Variants in NEB observed in about 807,000 individuals in gnomAD.
NEB encodes the protein nebulin.
In NEB, 512 loss-of-function variants were observed where a neutral mutation model predicts 952.2. That is an observed-to-expected ratio of 0.54 (90% CI 0.50 to 0.58). The LOEUF is 0.58. Among genes scored for constraint, NEB ranks in the 20% least tolerant of loss-of-function variants. NEB has a pLI of 0.00. For synonymous variants in NEB, 2,900 were observed against 3,149.8 expected, an observed-to-expected ratio of 0.92 and a Z score of 2.66; for missense variants, 8,428 against 9,231.1, an observed-to-expected ratio of 0.91 and a Z score of 3.56.
Position 151,518,976 on chromosome 2 carries a change from G to GT in NEB, c.22683dup (p.Leu7562ThrfsTer12). On this transcript the variant is annotated frameshift_variant, in exon 155 of 182. Transcript: ENST00000397345. LOFTEE classifies it high-confidence loss of function. Reference sequence around the variant, plus strand: ...ATGACTGAGCTTACAGAACTGGCAAGTTGGCTTGTATTCAGGACATGATTC... The same window carrying GT: ...ATGACTGAGCTTACAGAACTGGCAAGTTTGGCTTGTATTCAGGACATGATTC... 1 of 1,611,550 alleles carries GT rather than the reference G, an allele frequency of 6.2e-7. No individual in the cohort carries two copies. Among genetic ancestry groups the GT allele is most frequent in the Non-Finnish European group, 8.5e-7 (1 of 1,177,730 alleles).
chr2:151,678,640 T>A (rs1415686869), intron 32 of NEB, among the ~76,000 whole-genome samples: 1 of 152,204 alleles, frequency 6.6e-6, no homozygotes, highest in African/African-American at 2.4e-5. Context: ...TAGAATTTAA[T>A]AAGTCCTTGG....
chr2:151,547,152 G>A (rs1012307631), intron 133 of NEB, among the ~76,000 whole-genome samples: 1 of 152,124 alleles, frequency 6.6e-6, no homozygotes, highest in African/African-American at 2.4e-5. Flanking sequence ...AGGGAGTGAG[G>A]AGTTGGAATG....
chr2:151,703,892 G>T (rs1196849006), intron 13 of NEB, among the ~76,000 whole-genome samples: 2,027 of 114,948 alleles, frequency 0.018, no homozygotes, highest in African/African-American at 0.025. Context: ...GCTTTATTCC[G>T]TTGCTGGTGA....
chr2:151,576,059 A>G, intron 106 of NEB, 92 bp downstream of exon 106: 3 of 1,059,234 alleles, frequency 2.8e-6, no homozygotes, highest in Non-Finnish European at 2.6e-6. Context: ...TTATTAATAA[A>G]GTTTTTATTA....
At chr2:151,729,380 T>C (rs557611006) in intron 4 of NEB, among the ~76,000 whole-genome samples, 2 of 152,184 alleles carry the variant, frequency 1.3e-5, no homozygotes, top group African/African-American at 2.4e-5. Context: ...ACAGAAGAAA[T>C]AGGGGGAACC....
At chr2:151,726,960 G>T (rs1234253719) in intron 5 of NEB, among the ~76,000 whole-genome samples, 2 of 151,780 alleles carry the variant, frequency 1.3e-5, no homozygotes, top group African/African-American at 4.8e-5. Context: ...TGAGGTAGGA[G>T]GATTGCTTCA....
rs1467962353 is a variant in NEB, at chr2:151,503,385, A to C, written c.23799T>G (p.Ile7933Met). 2 of 1,612,636 alleles carry C rather than the reference A, an allele frequency of 1.2e-6. No homozygotes were observed. Among genetic ancestry groups the C allele is most frequent in the South Asian group, 2.2e-5 (2 of 90,970 alleles). ...TCTCTTGATTGCGTTTGACTCTCTC[A>C]ATCTCTGGAGTCACAGTGGTTGGAA... ...TGIPTTVTPE[I>M]ERVKRNQENF... is the part of the protein sequence containing the mutation. Residue 7933 changes from isoleucine (I) to methionine (M), a missense_variant, in exon 166 of 182, where the codon ATT becomes ATG. Ile to Met is a conservative substitution (Grantham distance 10). Around this residue, in one of 11 missense-constraint regions of NEB, gnomAD observed 3,374 missense variants for 3,651.5 expected, o/e 0.92. Coordinates refer to ENST00000397345, the MANE Select transcript of NEB (RefSeq NM_001164508.2).
At chr2:151,634,207 A>C (rs944320173) in intron 64 of NEB, among the ~76,000 whole-genome samples, 1 of 152,216 alleles carries the variant, frequency 6.6e-6, no homozygotes, top group Non-Finnish European at 1.5e-5. Context: ...ACCTCTGAAA[A>C]CAAGAAGTGC....
At chr2:151,630,916 T>C in intron 66 of NEB, 97 bp from the exon 67 acceptor site, 4 of 1,231,186 alleles carry the variant, frequency 3.2e-6, no homozygotes, top group Admixed American at 2.8e-5. Context: ...TTAGGAAAAA[T>C]AAGCCAGACT....
At position 151,567,248 on chromosome 2, in the gene NEB, T is replaced by A; in HGVS notation, c.18076A>T (p.Asn6026Tyr). The A allele has an allele frequency of 6.2e-7, 1 of 1,613,876 alleles. No individual in the cohort carries two copies. Among genetic ancestry groups the A allele is most frequent in the Non-Finnish European group, 8.5e-7 (1 of 1,179,814 alleles). ...TGACACATCCATTGGTGCAAGTAAT[T>A]ACGATAATCAATATCACTGACAAGG... ...QTLVSDIDYR[N>Y]YLHQWMCHPD... The change falls in exon 114 of 182, where the codon AAT (asparagine) becomes TAT (tyrosine). Residue 6026 changes from asparagine (N) to tyrosine (Y), a missense_variant. Transcript: ENST00000397345.
At position 151,561,042 on chromosome 2, in the gene NEB, A is replaced by C; in HGVS notation, c.19168T>G (p.Tyr6390Asp). Residue 6390 changes from tyrosine (Y) to aspartate (D), a missense_variant, in exon 123 of 182, where the codon TAT becomes GAT. Around this residue, in one of 11 missense-constraint regions of NEB, gnomAD observed 3,374 missense variants for 3,651.5 expected, o/e 0.92. Coordinates refer to ENST00000397345, the MANE Select transcript of NEB (RefSeq NM_001164508.2). ...KYTTVLETVD[Y>D]DRTRNLKNLY... ...TTCTTCAGGTTTCTGGTTCTGTCAT[A>C]ATCCACTGTTTCTAGAACTGTTGTG... The C allele has an allele frequency of 6.2e-7, 1 of 1,609,610 alleles. No homozygotes were observed. The highest frequency in any genetic ancestry group is 8.5e-7 in the Non-Finnish European group (1 of 1,177,344).
chr2:151,643,675 G>A (rs2098917003), intron 57 of NEB, 143 bp downstream of exon 57: 2 of 1,326,778 alleles, frequency 1.5e-6, no homozygotes, highest in African/African-American at 3.0e-5. Flanking sequence ...GAATAATGGT[G>A]CCTCCAGATG....
In NEB at chr2:151,609,827, G is replaced by A. The variant is rs1436769995; in HGVS notation, c.12312C>T (p.Ala4104=). 11 of 1,593,540 alleles carry A rather than the reference G, an allele frequency of 6.9e-6. No homozygotes were observed. Among genetic ancestry groups the A allele is most frequent in the Non-Finnish European group, 9.4e-6 (11 of 1,168,856 alleles). The change falls in exon 81 of 182, where the codon GCC becomes GCT. Residue 4104 remains alanine, a synonymous_variant. Coordinates refer to ENST00000397345, the MANE Select transcript of NEB (RefSeq NM_001164508.2). ...DQNDIIQAKK[A]YDLQSDSVYK... ...TACGTACATCACTCTGCAGGTCATA[G>A]GCCTTTTTTGCTTGGATAATGTCGT...
intron 5 of NEB, among the ~76,000 whole-genome samples, chr2:151,726,551 G>A (rs1039099065): frequency 4.6e-5 from 7 of 152,140 alleles, no homozygotes; most frequent in African/African-American, 1.7e-4. Context: ...GCCACCCAGT[G>A]AGACCTCAGC....
rs1553884554 is a variant in NEB at position 151,610,122 on chromosome 2, T to C, written c.12019-2A>G. ...CTCATAGGCTTCCTTGTATTTGTAC[T>C]AAAATGCCAGAAATACAGGTGGAGA... On this transcript the variant is annotated splice_acceptor_variant, in intron 80 of 181. Transcript: ENST00000397345. LOFTEE classifies it high-confidence loss of function. 3.1e-6 allele frequency: 5 copies of C among 1,601,598 alleles called. No individual in the cohort carries two copies. Among genetic ancestry groups the C allele is most frequent in the Non-Finnish European group, 4.3e-6 (5 of 1,173,284 alleles).
At chr2:151,723,932 G>A (rs2099783181) in intron 8 of NEB, among the ~76,000 whole-genome samples, 1 of 151,978 alleles carries the variant, frequency 6.6e-6, no homozygotes, top group African/African-American at 2.4e-5. Flanking sequence ...GACATCCAAA[G>A]TATACCAAAG....
chr2:151,495,727 A>C (rs2059741387), intron 173 of NEB, among the ~76,000 whole-genome samples: 1 of 100,844 alleles, frequency 9.9e-6, no homozygotes, highest in Non-Finnish European at 2.2e-5. Flanking sequence ...TTCTGGTGAC[A>C]CTTTCATTTT....
intron 48 of NEB, among the ~76,000 whole-genome samples, chr2:151,656,966 T>A (rs1228669945): frequency 2.0e-5 from 3 of 152,206 alleles, no homozygotes; most frequent in African/African-American, 7.2e-5. Context: ...AATTTTAGAA[T>A]AGCTTTATAT....
intron 5 of NEB, 69 bp downstream of exon 5, chr2:151,727,622 A>G (rs2099795193): frequency 2.0e-6 from 3 of 1,466,786 alleles, no homozygotes; most frequent in Non-Finnish European, 1.9e-6. Flanking sequence ...AGCATCCAAA[A>G]CAGAGTGAGT....
Sources: gnomAD v4.1 joint callset for allele counts (sites outside exome capture counted in the v4.1 genomes callset) on GRCh38, gnomAD v4.1.1 for gene constraint, gnomAD v4.1.1 regional missense constraint, MANE v1.5 for transcripts, NCBI Gene and HGNC (gene_info 2026-07-23, HGNC 2026-07-21) for gene names.